The following TENM4 variants were observed in gnomAD, a reference collection of about 807,000 sequenced individuals.
TENM4 encodes the protein teneurin transmembrane protein 4, also known as teneurin-4.
TENM4 carries 82 observed loss-of-function variants against 243.3 expected under a neutral mutation model. The observed-to-expected ratio is 0.34, with a 90% CI of 0.28 to 0.40. TENM4 has a LOEUF of 0.40. Ranked by LOEUF, TENM4 falls within the 10% of genes least tolerant of loss-of-function variation. TENM4 has a pLI of 1.00. For synonymous variants in TENM4, 1,412 were observed against 1,456.3 expected (o/e 0.97, Z 0.69); for missense variants, 3,138 against 3,673.3 (o/e 0.85, Z 3.77).
intron 4 of TENM4, chr11:79,092,831 G>A (rs1415975249): frequency 1.3e-5 from 2 of 152,204 alleles, no homozygotes; most frequent in Non-Finnish European, 2.9e-5. Flanking sequence ...CGTAGGAGGA[G>A]GCTCTAGAAT....
intron 1 of TENM4, among the ~76,000 whole-genome samples, chr11:79,411,836 T>C (rs1565335735): frequency 6.6e-6 from 1 of 152,242 alleles, no homozygotes; most frequent in Non-Finnish European, 1.5e-5. Context: ...GCTACTCCTC[T>C]GATAGTCCTA....
At chr11:78,903,815 C>T (rs1368020777) in intron 6 of TENM4, 1 of 672,238 alleles carries the variant, frequency 1.5e-6, no homozygotes, top group East Asian at 2.9e-5. Flanking sequence ...CCCATCTCAG[C>T]AACTTCACAT....
rs544563578 is a variant in TENM4, at chr11:79,156,619, G to A, written c.-162-7813C>T. Among the ~76,000 whole-genome samples the A allele has an allele frequency of 2.6e-5, 4 of 152,212 alleles. No individual in the cohort carries two copies. In the East Asian group the frequency reaches 7.8e-4, roughly 30 times the overall value. ...TTCCTCACCCTCTGTCTAGATCAGA[G>A]GTCCATCCTGAGCTTCCAGCACCCT... On this transcript the variant is annotated intron_variant, in intron 3 of 33. Transcript: ENST00000278550.
At chr11:79,314,562 G>A (rs1477327001) in intron 1 of TENM4, among the ~76,000 whole-genome samples, 7 of 152,196 alleles carry the variant, frequency 4.6e-5, no homozygotes, top group South Asian at 2.1e-4. Flanking sequence ...GTGAGTACTC[G>A]TGGTTACACA....
intron 3 of TENM4, among the ~76,000 whole-genome samples, chr11:79,179,514 G>A (rs570908392): frequency 3.5e-4 from 51 of 145,584 alleles, no homozygotes; most frequent in African/African-American, 1.2e-3. Context: ...TTCAAAACAA[G>A]ATGATTAAGA....
At chr11:78,959,646 G>A (rs2136525217) in intron 6 of TENM4, among the ~76,000 whole-genome samples, 1 of 152,298 alleles carries the variant, frequency 6.6e-6, no homozygotes, top group East Asian at 1.9e-4. Flanking sequence ...CTTTTAGAGT[G>A]ACATTCAGAG....
rs139298168 is a variant in TENM4 at position 78,806,593 on chromosome 11, A to G, written c.1979-1101T>C. On this transcript the variant is annotated intron_variant, in intron 14 of 33. Transcript: ENST00000278550. ...TTTTCTCAGTAACCCAGTGAGATAC[A>G]GATGAGGAAACCGAGGCTCTGAGAG... 1.1e-3 allele frequency among the ~76,000 whole-genome samples: 171 copies of G among 152,362 alleles called. 1 individual carries two copies. The highest frequency in any genetic ancestry group is 1.9e-3 in the Non-Finnish European group (130 of 68,030).
At chr11:79,140,264 C>A (rs928556685) in intron 4 of TENM4, among the ~76,000 whole-genome samples, 4 of 152,054 alleles carry the variant, frequency 2.6e-5, no homozygotes, top group African/African-American at 4.8e-5. Flanking sequence ...TTTGCTCAAG[C>A]CTCTTGAGAT....
chr11:78,823,309 T>A lies in TENM4; in HGVS notation c.1682-8914A>T, dbSNP rs540829859. Among the ~76,000 whole-genome samples the A allele has an allele frequency of 2.0e-5, 3 of 152,158 alleles. No homozygotes were observed. The East Asian group carries it at 5.8e-4, about 29-fold the overall frequency. On this transcript the variant is annotated intron_variant, in intron 12 of 33. Coordinates refer to ENST00000278550, the MANE Select transcript of TENM4 (RefSeq NM_001098816.3). ...TGCAAGAGACAACACCTCGCCCCGT[T>A]CCCACTGCCCACAGCTGATTGGACC... is the stretch of plus-strand genomic sequence containing the variant.
intron 14 of TENM4, among the ~76,000 whole-genome samples, chr11:78,806,121 C>T (rs1591037716): frequency 6.6e-6 from 1 of 151,884 alleles, no homozygotes; most frequent in East Asian, 1.9e-4. Context: ...GAGATCCTGT[C>T]TCTACAAAAA....
chr11:78,736,234 C>T (rs1855789472), intron 20 of TENM4, among the ~76,000 whole-genome samples: 1 of 152,154 alleles, frequency 6.6e-6, no homozygotes, highest in Non-Finnish European at 1.5e-5. Flanking sequence ...CCGTGGCCTC[C>T]CAAAGTGCTG....
intron 4 of TENM4, among the ~76,000 whole-genome samples, chr11:79,101,995 G>C (rs1450439297): frequency 6.6e-6 from 1 of 152,150 alleles, no homozygotes; most frequent in Non-Finnish European, 1.5e-5. Context: ...TTGAGTCCTA[G>C]CAACACTTTC....
intron 2 of TENM4, among the ~76,000 whole-genome samples, chr11:79,252,836 A>C (rs1038630049): frequency 1.1e-4 from 16 of 151,764 alleles, no homozygotes; most frequent in Non-Finnish European, 2.1e-4. Context: ...TTGGAGTTAA[A>C]CCCCCCAGAG....
At chr11:79,066,619 T>TGC (rs887834976) in intron 5 of TENM4, among the ~76,000 whole-genome samples, 1 of 146,484 alleles carries the variant, frequency 6.8e-6, no homozygotes, top group Non-Finnish European at 1.5e-5. Flanking sequence ...CACACACACG[T>TGC]GCGCACACAC....
intron 23 of TENM4, among the ~76,000 whole-genome samples, chr11:78,725,013 T>C (rs1855481716): frequency 6.6e-6 from 1 of 152,132 alleles, no homozygotes; most frequent in Admixed American, 6.5e-5. Flanking sequence ...GTGAGGTGAG[T>C]GAGAAGCAAA....
intron 20 of TENM4, among the ~76,000 whole-genome samples, chr11:78,736,479 T>TGTGTGTGTGTGTGTGCGCGCGCGC (rs796898751): frequency 4.0e-5 from 4 of 99,334 alleles, no homozygotes; most frequent in Admixed American, 1.0e-4. Flanking sequence ...TGTGTGTGTG[T>TGTGTGTGTGTGTGTGCGCGCGCGC]GCGCGCGCGT....
intron 6 of TENM4, among the ~76,000 whole-genome samples, chr11:78,986,281 T>C (rs1053556842): frequency 6.6e-6 from 1 of 152,144 alleles, no homozygotes; most frequent in African/African-American, 2.4e-5. Flanking sequence ...AGGAAGAAAA[T>C]GGATATTAAT....
chr11:78,805,822 G>A (rs1023648200), intron 14 of TENM4, among the ~76,000 whole-genome samples: 1 of 152,178 alleles, frequency 6.6e-6, no homozygotes, highest in Non-Finnish European at 1.5e-5. Flanking sequence ...CACAGGAGGT[G>A]TTTAATAAGT....
chr11:79,435,976 G>T (rs1469615826), intron 1 of TENM4, among the ~76,000 whole-genome samples: 3 of 152,144 alleles, frequency 2.0e-5, no homozygotes, highest in African/African-American at 7.2e-5. Context: ...GAAAAGAAAA[G>T]AAATTTTCAT....
Sources: allele counts gnomAD v4.1 joint callset (sites outside exome capture counted in the v4.1 genomes callset), GRCh38; gene constraint gnomAD v4.1.1; transcripts MANE v1.5; gene names NCBI Gene and HGNC (gene_info 2026-07-23, HGNC 2026-07-21).